TBCK: variants seen among roughly 807,000 people sequenced by gnomAD.
TBCK encodes the protein TBC domain-containing protein kinase-like protein.
Under a neutral mutation model 113.4 loss-of-function variants are expected in TBCK, and 99 were observed. The ratio of observed to expected loss-of-function variants is 0.87; its 90% CI spans 0.74 to 1.03. TBCK has a LOEUF of 1.03. Among genes scored for constraint, TBCK ranks in the 50% least tolerant of loss-of-function variants. The pLI is 0.00. For synonymous variants in TBCK, 369 were observed against 370.8 expected, an observed-to-expected ratio of 1.00 and a Z score of 0.05; for missense variants, 1,045 against 1,061.3, an observed-to-expected ratio of 0.98 and a Z score of 0.21.
rs1734229785 is a variant in TBCK at position 106,046,508 on chromosome 4, TGAA to T, written c.*59_*61del. On this transcript the variant is annotated 3_prime_UTR_variant, in exon 26 of 26. Coordinates refer to ENST00000394708, the MANE Select transcript of TBCK (RefSeq NM_001163435.3). ...GTTTTGTCTGAGAGTGGCGTGGATA[TGAA>T]GAACTGTGCTGTTGGTGCTGATGCC... The T allele has an allele frequency of 1.1e-6, 1 of 871,282 alleles. No individual in the cohort carries two copies. Among genetic ancestry groups the T allele is most frequent in the South Asian group, 1.4e-5 (1 of 69,734 alleles). 54.0% of individuals were successfully genotyped at this position (871,282 alleles called of 1,614,324 possible).
intron 24 of TBCK, among the ~76,000 whole-genome samples, chr4:106,096,683 A>T (rs1740949450): frequency 6.6e-6 from 1 of 152,186 alleles, no homozygotes; most frequent in Admixed American, 6.5e-5. Flanking sequence ...CATGACTGAC[A>T]GGATGGTGGA....
At chr4:106,067,681 T>A (rs552189748) in intron 25 of TBCK, among the ~76,000 whole-genome samples, 1 of 152,314 alleles carries the variant, frequency 6.6e-6, no homozygotes, top group South Asian at 2.1e-4. Context: ...TATGGTTTAA[T>A]GTAAGGGTCC....
At chr4:106,253,663 T>A (rs1560915047) in intron 5 of TBCK, among the ~76,000 whole-genome samples, 2 of 152,240 alleles carry the variant, frequency 1.3e-5, no homozygotes, top group African/African-American at 2.4e-5. Context: ...TAAAATCTAT[T>A]GTGGTTTTAC....
intron 1 of TBCK, among the ~76,000 whole-genome samples, chr4:106,310,970 T>C (rs1010477978): frequency 1.3e-5 from 2 of 151,944 alleles, no homozygotes; most frequent in Non-Finnish European, 2.9e-5. Context: ...AAATGGCCAA[T>C]AGATACATGA....
chr4:106,153,591 T>C (rs58471267), intron 23 of TBCK, among the ~76,000 whole-genome samples: 6,866 of 152,206 alleles, frequency 0.045, 517 homozygotes, highest in African/African-American at 0.15. Flanking sequence ...ATTTGGTCTA[T>C]AATGCAGGTT....
chr4:106,182,563 G>C (rs979604259), intron 22 of TBCK: 8 of 152,088 alleles, frequency 5.3e-5, no homozygotes, highest in African/African-American at 1.9e-4. Context: ...AGTTTATTGA[G>C]AGTTTTTAGC....
chr4:106,124,166 C>G (rs1310651345), intron 23 of TBCK, among the ~76,000 whole-genome samples: 3 of 152,126 alleles, frequency 2.0e-5, no homozygotes, highest in Admixed American at 6.5e-5. Flanking sequence ...AAAAAACAAA[C>G]AACCCCATCA....
intron 19 of TBCK, among the ~76,000 whole-genome samples, chr4:106,223,802 T>C (rs140163323): frequency 1.3e-5 from 2 of 152,256 alleles, no homozygotes; most frequent in East Asian, 3.9e-4. Context: ...TTCTCCTCAA[T>C]AGCCTAAGAT....
intron 24 of TBCK, among the ~76,000 whole-genome samples, chr4:106,103,127 T>G (rs1741740135): frequency 6.6e-6 from 1 of 152,218 alleles, no homozygotes. Flanking sequence ...TATTATAAAT[T>G]AAGTCAATAT....
chr4:106,197,254 G>C (rs1465991972), intron 20 of TBCK, among the ~76,000 whole-genome samples: 2 of 151,754 alleles, frequency 1.3e-5, no homozygotes, highest in Non-Finnish European at 2.9e-5. Context: ...AGAGTGTCCT[G>C]GAAGATTCTG....
intron 3 of TBCK, among the ~76,000 whole-genome samples, chr4:106,267,123 A>T (rs1560937960): frequency 6.6e-6 from 1 of 151,962 alleles, no homozygotes; most frequent in Non-Finnish European, 1.5e-5. Context: ...TTATACTTTA[A>T]ATCAAAAAAT....
chr4:106,283,726 C>G (rs1479571224), intron 3 of TBCK, among the ~76,000 whole-genome samples: 2 of 151,544 alleles, frequency 1.3e-5, no homozygotes, highest in African/African-American at 2.4e-5. Flanking sequence ...GAAGTCAGAT[C>G]CTATGCTAAT....
chr4:106,240,464 AG>A (rs1759971262), intron 12 of TBCK, among the ~76,000 whole-genome samples: 1 of 152,060 alleles, frequency 6.6e-6, no homozygotes, highest in Admixed American at 6.6e-5. Context: ...AAAAAAGAAT[AG>A]GTTCAGCAAT....
intron 23 of TBCK, among the ~76,000 whole-genome samples, chr4:106,160,325 G>A (rs539109299): frequency 4.6e-5 from 7 of 151,762 alleles, no homozygotes; most frequent in South Asian, 4.2e-4. Context: ...ACTCAACAGA[G>A]TAAAATGGCA....
intron 3 of TBCK, among the ~76,000 whole-genome samples, chr4:106,262,557 T>C (rs543041868): frequency 6.6e-6 from 1 of 152,164 alleles, no homozygotes; most frequent in East Asian, 1.9e-4. Context: ...GTTTCAAGTA[T>C]ATGGCAGAAC....
At chr4:106,145,800 T>G (rs1159517054) in intron 23 of TBCK, among the ~76,000 whole-genome samples, 1 of 152,162 alleles carries the variant, frequency 6.6e-6, no homozygotes, top group African/African-American at 2.4e-5. Context: ...AAGCAAATCT[T>G]AATATCACTG....
chr4:106,181,388 C>T (rs1752363804), intron 22 of TBCK, among the ~76,000 whole-genome samples: 1 of 152,066 alleles, frequency 6.6e-6, no homozygotes, highest in Admixed American at 6.6e-5. Flanking sequence ...TCCCATTTGT[C>T]AATTTTGGCT....
chr4:106,125,642 G>A (rs1161917633), intron 23 of TBCK, among the ~76,000 whole-genome samples: 1 of 152,136 alleles, frequency 6.6e-6, no homozygotes, highest in Non-Finnish European at 1.5e-5. Flanking sequence ...CTCGTATGTG[G>A]AAACTAAATA....
At chr4:106,231,284 T>G (rs1251374590) in intron 18 of TBCK, among the ~76,000 whole-genome samples, 1 of 151,504 alleles carries the variant, frequency 6.6e-6, no homozygotes, top group Non-Finnish European at 1.5e-5. Flanking sequence ...AGTATATAAG[T>G]ATTAGAATAC....
Sources: allele counts gnomAD v4.1 joint callset (sites outside exome capture counted in the v4.1 genomes callset), GRCh38; gene constraint gnomAD v4.1.1; transcripts MANE v1.5; gene names NCBI Gene and HGNC (gene_info 2026-07-23, HGNC 2026-07-21).